The following SAMMSON variants were observed in gnomAD, a reference collection of about 807,000 sequenced individuals.
The protein encoded by SAMMSON is long intergenic non-protein coding RNA 1212.
intron 3 of SAMMSON, among the ~76,000 whole-genome samples, chr3:70,017,391 T>A (rs1482510956): frequency 6.6e-6 from 1 of 151,794 alleles, no homozygotes; most frequent in South Asian, 2.1e-4. Context: ...CTCTGTCTGT[T>A]ATTGGTGTAT....
chr3:70,191,425 G>A (rs1701130955), intron 4 of SAMMSON, among the ~76,000 whole-genome samples: 2 of 152,190 alleles, frequency 1.3e-5, no homozygotes, highest in Admixed American at 6.5e-5. Context: ...GGTGCATTGT[G>A]CACGAATGAC....
intron 4 of SAMMSON, among the ~76,000 whole-genome samples, chr3:70,131,658 G>C (rs1365026315): frequency 6.6e-6 from 1 of 152,118 alleles, no homozygotes; most frequent in Non-Finnish European, 1.5e-5. Context: ...ATGGCTCATT[G>C]CAGCCTCAAC....
At chr3:70,151,843 TA>T (rs2067573379) in intron 4 of SAMMSON, among the ~76,000 whole-genome samples, 1 of 151,996 alleles carries the variant, frequency 6.6e-6, no homozygotes, top group Non-Finnish European at 1.5e-5. Context: ...TTTGAGTACA[TA>T]AGTGAATTGT....
At chr3:70,283,959 C>T (rs1702115173) in intron 6 of SAMMSON, 1 of 152,010 alleles carries the variant, frequency 6.6e-6, no homozygotes. Context: ...CTTCTGATCC[C>T]TGATCTCTAG....
At chr3:70,008,613 A>G (rs1247058635) in intron 1 of SAMMSON, among the ~76,000 whole-genome samples, 3 of 152,060 alleles carry the variant, frequency 2.0e-5, no homozygotes, top group African/African-American at 7.2e-5. Context: ...CTCTTTTCCT[A>G]CTTGAATACC....
chr3:70,334,809 T>A (rs917320964), intron 7 of SAMMSON, among the ~76,000 whole-genome samples: 10 of 152,156 alleles, frequency 6.6e-5, no homozygotes, highest in Admixed American at 5.9e-4. Context: ...TTAACTACTA[T>A]ACTGAACTAT....
intron 7 of SAMMSON, among the ~76,000 whole-genome samples, chr3:70,300,803 G>A (rs530057674): frequency 3.8e-4 from 58 of 152,016 alleles, no homozygotes; most frequent in African/African-American, 1.3e-3. Context: ...TTTAATTAAC[G>A]GATGTCAGCC....
At chr3:70,010,643 A>C (rs964009157) in intron 1 of SAMMSON, among the ~76,000 whole-genome samples, 5 of 152,170 alleles carry the variant, frequency 3.3e-5, no homozygotes, top group African/African-American at 1.2e-4. Context: ...AATTGGCTCC[A>C]GAGTGGCGTA....
chr3:70,380,721 G>C (rs1703059191), intron 9 of SAMMSON, among the ~76,000 whole-genome samples: 1 of 151,410 alleles, frequency 6.6e-6, no homozygotes, highest in African/African-American at 2.4e-5. Context: ...AGGCCCCAGT[G>C]TGTGATGTTC....
At chr3:70,383,687 C>A (rs1006458316) in intron 9 of SAMMSON, among the ~76,000 whole-genome samples, 43 of 152,082 alleles carry the variant, frequency 2.8e-4, no homozygotes, top group African/African-American at 8.7e-4. Flanking sequence ...GGTGCCACTG[C>A]AAAGCTAGCT....
intron 4 of SAMMSON, among the ~76,000 whole-genome samples, chr3:70,163,354 T>TAGAG (rs71626390): frequency 3.9e-4 from 57 of 148,018 alleles, no homozygotes; most frequent in Non-Finnish European, 4.0e-4. Context: ...TATATATATA[T>TAGAG]AGAGAGAGAG....
At chr3:70,119,060 T>C (rs2067422565) in intron 4 of SAMMSON, among the ~76,000 whole-genome samples, 1 of 152,158 alleles carries the variant, frequency 6.6e-6, no homozygotes, top group South Asian at 2.1e-4. Context: ...AAACTACTCT[T>C]ATTTATTTAT....
chr3:70,059,997 T>C (rs17729489), intron 3 of SAMMSON, among the ~76,000 whole-genome samples: 64,810 of 151,940 alleles, frequency 0.43, 14,268 homozygotes, highest in East Asian at 0.62. Flanking sequence ...CAAAAATCTA[T>C]GAAGTGCTGT....
intron 3 of SAMMSON, among the ~76,000 whole-genome samples, chr3:70,039,603 A>T (rs1346045909): frequency 5.3e-5 from 6 of 113,228 alleles, no homozygotes; most frequent in African/African-American, 1.5e-4. Flanking sequence ...TCACACACAC[A>T]CACACACACA....
intron 6 of SAMMSON, among the ~76,000 whole-genome samples, chr3:70,287,959 A>G (rs1227765100): frequency 6.6e-6 from 1 of 151,250 alleles, no homozygotes; most frequent in Admixed American, 6.6e-5. Flanking sequence ...TTTTTTCTTT[A>G]TTAGTCTTGC....
At chr3:70,076,118 G>T (rs1559786197) in intron 4 of SAMMSON, among the ~76,000 whole-genome samples, 1 of 151,994 alleles carries the variant, frequency 6.6e-6, no homozygotes. Context: ...AGGGTTAATT[G>T]TTTCTGAAGT....
chr3:70,268,103 A>C (rs988304565), intron 6 of SAMMSON, among the ~76,000 whole-genome samples: 1 of 151,156 alleles, frequency 6.6e-6, no homozygotes, highest in Non-Finnish European at 1.5e-5. Flanking sequence ...TTTTAGGTTC[A>C]CTGCAAAATT....
intron 9 of SAMMSON, among the ~76,000 whole-genome samples, chr3:70,374,932 TA>T (rs1483942434): frequency 1.3e-5 from 2 of 152,202 alleles, no homozygotes; most frequent in East Asian, 3.9e-4. Context: ...TTATTCATCT[TA>T]ACCCTTCAAC....
intron 3 of SAMMSON, among the ~76,000 whole-genome samples, chr3:70,023,734 G>T (rs1225626666): frequency 6.6e-6 from 1 of 152,116 alleles, no homozygotes; most frequent in Non-Finnish European, 1.5e-5. Flanking sequence ...TTGAAGCAAG[G>T]TATGATCTCT....
Sources: allele counts gnomAD v4.1 joint callset (sites outside exome capture counted in the v4.1 genomes callset), GRCh38; gene constraint gnomAD v4.1.1; transcripts MANE v1.5; gene names NCBI Gene and HGNC (gene_info 2026-07-23, HGNC 2026-07-21).